BCL11A: variants seen among roughly 807,000 people sequenced by gnomAD.
BCL11A encodes BCL11 transcription factor A.
BCL11A carries 2 observed loss-of-function variants against 55.9 expected under a neutral mutation model. The observed-to-expected ratio is 0.04, with a 90% CI of 0.01 to 0.11. BCL11A has a LOEUF of 0.11. Ranked by LOEUF, BCL11A falls within the 10% of genes least tolerant of loss-of-function variation. The probability of loss-of-function intolerance (pLI) is 1.00; values close to 1 mark genes in which losing one functional copy is unlikely to be tolerated. For missense variants in BCL11A, 817 were observed against 1,137.1 expected (o/e 0.72, Z 4.05); for synonymous variants, 465 against 473.4 (o/e 0.98, Z 0.23).
chr2:60,455,421 CAT>C (rs1285387120), downstream of BCL11A, among the ~76,000 whole-genome samples: 1 of 152,130 alleles, frequency 6.6e-6, no homozygotes, highest in African/African-American at 2.4e-5. Context: ...GCTAGGTTCT[CAT>C]GTTTCTATTG....
At chr2:60,454,017 G>C (rs886079955), downstream of BCL11A, among the ~76,000 whole-genome samples, 3 of 152,084 alleles carry the variant, frequency 2.0e-5, no homozygotes, top group Admixed American at 2.0e-4. Context: ...CATGACCGTA[G>C]ATGACGCTGG....
At chr2:60,478,724 T>C (rs1248300896) in intron 2 of BCL11A, among the ~76,000 whole-genome samples, 1 of 152,266 alleles carries the variant, frequency 6.6e-6, no homozygotes, top group African/African-American at 2.4e-5. Flanking sequence ...GGCTGCCCTC[T>C]CGCCTGAGGT....
At chr2:60,523,522 C>T (rs1008629150) in intron 2 of BCL11A, among the ~76,000 whole-genome samples, 3 of 152,070 alleles carry the variant, frequency 2.0e-5, no homozygotes, top group African/African-American at 4.8e-5. Context: ...CACACAGGCA[C>T]ACAACTATAT....
At chr2:60,499,467 C>T (rs1240869039) in intron 2 of BCL11A, among the ~76,000 whole-genome samples, 1 of 152,296 alleles carries the variant, frequency 6.6e-6, no homozygotes, top group South Asian at 2.1e-4. Flanking sequence ...AGATAAAGAG[C>T]CTGAGGCCCA....
intron 2 of BCL11A, chr2:60,542,115 A>T (rs971231025): frequency 2.1e-5 from 9 of 420,158 alleles, no homozygotes; most frequent in Non-Finnish European, 3.9e-5. Context: ...TGTCTAGGCA[A>T]ATAATTTTAA....
chr2:60,476,376 A>T (rs536441141), intron 2 of BCL11A, among the ~76,000 whole-genome samples: 29 of 152,352 alleles, frequency 1.9e-4, no homozygotes, highest in Admixed American at 1.8e-3. Context: ...GTCAAGGGAA[A>T]AGGTCTCAGT....
chr2:60,496,629 A>G (rs1368771697), intron 2 of BCL11A: 4 of 152,572 alleles, frequency 2.6e-5, no homozygotes, highest in African/African-American at 9.6e-5. Flanking sequence ...TGCCTTGTAC[A>G]ACCCTCTCTC....
chr2:60,506,369 G>T (rs1558651858), intron 2 of BCL11A, among the ~76,000 whole-genome samples: 1 of 152,220 alleles, frequency 6.6e-6, no homozygotes, highest in Admixed American at 6.5e-5. Context: ...CCCCATTCTG[G>T]TCTGTCAAAC....
At chr2:60,467,747 A>G (rs1166549038) in intron 3 of BCL11A, among the ~76,000 whole-genome samples, 8 of 48,930 alleles carry the variant, frequency 1.6e-4, no homozygotes, top group South Asian at 8.1e-4. Context: ...GGTGGTAGTG[A>G]TGGTGGTGGT....
At chr2:60,513,148 G>C (rs1668562616) in intron 2 of BCL11A, among the ~76,000 whole-genome samples, 1 of 152,114 alleles carries the variant, frequency 6.6e-6, no homozygotes, top group South Asian at 2.1e-4. Context: ...GCCTGTGAGG[G>C]GTTGGGGGTG....
chr2:60,511,903 G>A (rs1680010861), intron 2 of BCL11A, among the ~76,000 whole-genome samples: 1 of 152,154 alleles, frequency 6.6e-6, no homozygotes, highest in South Asian at 2.1e-4. Flanking sequence ...TGCTTCCTCT[G>A]CTACGCCCAG....
intron 2 of BCL11A, among the ~76,000 whole-genome samples, chr2:60,482,628 T>A (rs1678026702): frequency 6.6e-6 from 1 of 152,186 alleles, no homozygotes; most frequent in Non-Finnish European, 1.5e-5. Context: ...CTTGGAAAGT[T>A]CTCCATAATT....
At chr2:60,483,893 T>C (rs894494747) in intron 2 of BCL11A, 4 of 23,076 alleles carry the variant, frequency 1.7e-4, no homozygotes, top group Non-Finnish European at 4.3e-4. Flanking sequence ...TCTTGGTTGC[T>C]TTTTTTTCCC....
At position 60,457,671 on chromosome 2, in the gene BCL11A, T is replaced by G. The variant is rs538647450; in HGVS notation, c.*2733A>C. 7.1e-5 allele frequency: 16 copies of G among 225,670 alleles called. No individual in the cohort carries two copies. Among genetic ancestry groups the G allele is most frequent in the African/African-American group, 4.0e-4 (13 of 32,340 alleles). The allele number at this position is 225,670 out of a possible 1,614,324, so 14.0% of individuals were successfully genotyped here. On this transcript the variant is annotated 3_prime_UTR_variant, in exon 4 of 4. Coordinates refer to ENST00000642384, the MANE Select transcript of BCL11A (RefSeq NM_022893.4). ...AATGAAAAAAACTGCAAAACATTGG[T>G]TTTTTTTTTTTTTTCCTTTTTTTTT...
chr2:60,546,482 G>C lies in BCL11A; in HGVS notation c.56-182C>G. On this transcript the variant is annotated intron_variant, in intron 1 of 3. Transcript: ENST00000642384. This position sits in a 1 kb window ranked among gnomAD's most constrained non-coding sequence, Gnocchi z 4.1. ...AAGGATGTGAAGGTTATCAACCAGAGAGCAAATTTGTCAATGAGGCAAATC... is the reference window on the plus strand; with the variant it reads ...AAGGATGTGAAGGTTATCAACCAGACAGCAAATTTGTCAATGAGGCAAATC... 2 of 604,472 alleles carry C rather than the reference G, an allele frequency of 3.3e-6. No individual in the cohort carries two copies. The highest frequency in any genetic ancestry group is 5.8e-6 in the Non-Finnish European group (2 of 346,778). The allele number at this position is 604,472 out of a possible 1,614,324, so 37.4% of individuals were successfully genotyped here. A position where few individuals can be genotyped will look rare whatever the true frequency, so the allele number is the denominator to read the frequency against.
chr2:60,485,650 C>T (rs954053699), intron 2 of BCL11A, among the ~76,000 whole-genome samples: 3 of 152,132 alleles, frequency 2.0e-5, no homozygotes, highest in African/African-American at 7.2e-5. Flanking sequence ...GGAAGCTGTC[C>T]CAGCAACCTA....
At chr2:60,511,370 A>G (rs1238752884) in intron 2 of BCL11A, among the ~76,000 whole-genome samples, 1 of 152,236 alleles carries the variant, frequency 6.6e-6, no homozygotes, top group East Asian at 1.9e-4. Context: ...AGTCTGAATT[A>G]AAAGAACTCG....
chr2:60,461,999 G>C lies in BCL11A; in HGVS notation c.913C>G (p.Pro305Ala). Residue 305 changes from proline (P) to alanine (A), a missense_variant, in exon 4 of 4, where the codon CCA becomes GCA. Pro to Ala is a conservative substitution (Grantham distance 27). This residue lies in a region of BCL11A where 363 missense variants were observed against 486.6 expected (regional missense o/e 0.75). Coordinates refer to ENST00000642384, the MANE Select transcript of BCL11A (RefSeq NM_022893.4). ...ATGGCGGGAGGCTCCATAGCCATTG[G>C]ATTCAACCGCAGCACCCTGTCAAAG... ...SAFDRVLRLNPMAMEPPAMDF... is the reference protein window; with the variant it reads ...SAFDRVLRLNAMAMEPPAMDF... 1 of 1,613,454 alleles carries C rather than the reference G, an allele frequency of 6.2e-7. No homozygotes were observed. Among genetic ancestry groups the C allele is most frequent in the South Asian group, 1.1e-5 (1 of 91,072 alleles).
chr2:60,459,748 CT>C lies in BCL11A; in HGVS notation c.*655del. On this transcript the variant is annotated 3_prime_UTR_variant, in exon 4 of 4. Coordinates refer to ENST00000642384, the MANE Select transcript of BCL11A (RefSeq NM_022893.4). ...TTCTGTTAATTTGTCAATTCAAGGC[CT>C]TTTTTCTTCCTTTCCAATTGATACA... The C allele has an allele frequency of 3.8e-6, 4 of 1,039,572 alleles. No homozygotes were observed. Among genetic ancestry groups the C allele is most frequent in the African/African-American group, 1.7e-5 (1 of 59,678 alleles). The allele number at this position is 1,039,572 out of a possible 1,614,324, so 64.4% of individuals were successfully genotyped here.
Sources: allele counts gnomAD v4.1 joint callset (sites outside exome capture counted in the v4.1 genomes callset), GRCh38; gene constraint gnomAD v4.1.1; regional missense constraint gnomAD v4.1.1; non-coding constraint Gnocchi (gnomAD v3.1); transcripts MANE v1.5; gene names NCBI Gene and HGNC (gene_info 2026-07-23, HGNC 2026-07-21).